Variants in SAMD12 observed in about 807,000 individuals in gnomAD.
The protein encoded by SAMD12 is sterile alpha motif domain containing 12, also known as sterile alpha motif domain-containing protein 12.
SAMD12 carries 9 observed loss-of-function variants against 15.0 expected under a neutral mutation model. The ratio of observed to expected loss-of-function variants is 0.60; its 90% confidence interval spans 0.36 to 1.05. The LOEUF is 1.05. Among genes scored for constraint, SAMD12 ranks in the 50% least tolerant of loss-of-function variants. The pLI is 0.01. For synonymous variants in SAMD12, 86 were observed against 90.1 expected (o/e 0.96, Z 0.25); for missense variants, 230 against 234.2 (o/e 0.98, Z 0.12).
chr8:118,530,987 C>T (rs1472425565), intron 2 of SAMD12, among the ~76,000 whole-genome samples: 1 of 152,136 alleles, frequency 6.6e-6, no homozygotes. Flanking sequence ...GCTACAGGCA[C>T]ATGCCACTAC....
chr8:118,482,221 T>C (rs1824146326), intron 2 of SAMD12, among the ~76,000 whole-genome samples: 2 of 152,204 alleles, frequency 1.3e-5, no homozygotes, highest in Admixed American at 6.5e-5. Flanking sequence ...GTCAGACCCT[T>C]GATATAAGAT....
intron 4 of SAMD12, among the ~76,000 whole-genome samples, chr8:118,322,318 C>T (rs555342793): frequency 6.6e-6 from 1 of 152,338 alleles, no homozygotes; most frequent in East Asian, 1.9e-4. Flanking sequence ...CTGTGTCTGT[C>T]TGGGTCCCCT....
the SAMD12 span, among the ~76,000 whole-genome samples, chr8:118,141,569 T>C: frequency 2.6e-4 from 40 of 152,210 alleles, no homozygotes; most frequent in Non-Finnish European, 5.1e-4. Context: ...TATTTGACTT[T>C]CCATGATGAA....
intron 2 of SAMD12, among the ~76,000 whole-genome samples, chr8:118,560,074 T>G (rs1233853287): frequency 6.6e-6 from 1 of 152,206 alleles, no homozygotes; most frequent in Admixed American, 6.5e-5. Context: ...GCTTTAAGAC[T>G]TCTCATTCGC....
intron 2 of SAMD12, among the ~76,000 whole-genome samples, chr8:118,554,916 TAG>T (rs2131194267): frequency 6.6e-6 from 1 of 152,268 alleles, no homozygotes; most frequent in African/African-American, 2.4e-5. Context: ...TTTTTTAAAT[TAG>T]TCTTTCAATA....
intron 4 of SAMD12, among the ~76,000 whole-genome samples, chr8:118,246,549 C>T (rs183636594): frequency 1.1e-3 from 166 of 152,228 alleles, no homozygotes; most frequent in African/African-American, 3.8e-3. Context: ...GTACTTTAAA[C>T]TTGCATTATC....
At chr8:118,182,617 AG>A in the SAMD12 span, among the ~76,000 whole-genome samples, 1 of 152,212 alleles carries the variant, frequency 6.6e-6, no homozygotes, top group Admixed American at 6.5e-5. Context: ...AATAAATAAA[AG>A]CTCTTGAATA....
At chr8:118,482,418 GT>G (rs1824152833) in intron 2 of SAMD12, among the ~76,000 whole-genome samples, 2 of 152,088 alleles carry the variant, frequency 1.3e-5, no homozygotes, top group African/African-American at 4.8e-5. Flanking sequence ...CTCCAGATCA[GT>G]AGTTTCTACA....
intron 4 of SAMD12, among the ~76,000 whole-genome samples, chr8:118,243,894 C>T (rs1055535787): frequency 3.9e-5 from 6 of 152,112 alleles, no homozygotes; most frequent in African/African-American, 1.4e-4. Context: ...GAAAATGGCA[C>T]ATTGGGACAA....
At chr8:118,238,548 G>C (rs923897224) in intron 4 of SAMD12, among the ~76,000 whole-genome samples, 1 of 152,002 alleles carries the variant, frequency 6.6e-6, no homozygotes, top group Non-Finnish European at 1.5e-5. Flanking sequence ...AATTTCAAAG[G>C]CTATCTCCTT....
the SAMD12 span, among the ~76,000 whole-genome samples, chr8:118,146,506 A>G: frequency 1.3e-5 from 2 of 152,208 alleles, no homozygotes; most frequent in Non-Finnish European, 2.9e-5. Context: ...CCATATTCCA[A>G]TTCTCTGTGT....
intron 4 of SAMD12, among the ~76,000 whole-genome samples, chr8:118,234,310 C>T (rs564371901): frequency 1.3e-5 from 2 of 152,072 alleles, no homozygotes; most frequent in South Asian, 4.2e-4. Context: ...CCTAACTTTG[C>T]TTTATGTTTG....
chr8:118,370,979 G>A (rs1249451533), intron 4 of SAMD12, among the ~76,000 whole-genome samples: 2 of 152,088 alleles, frequency 1.3e-5, no homozygotes, highest in Non-Finnish European at 2.9e-5. Context: ...AGATGGATAG[G>A]AGAATGATTG....
chr8:118,207,390 C>G (rs1256446871), intron 4 of SAMD12, among the ~76,000 whole-genome samples: 3 of 147,818 alleles, frequency 2.0e-5, no homozygotes, highest in African/African-American at 7.4e-5. Flanking sequence ...TTTTTTTTTG[C>G]ACTGGACAGA....
intron 4 of SAMD12, among the ~76,000 whole-genome samples, chr8:118,266,068 G>T (rs775350784): frequency 1.2e-4 from 18 of 152,126 alleles, no homozygotes; most frequent in Non-Finnish European, 1.9e-4. Flanking sequence ...TGGCAGAGGG[G>T]AAAGAGGCAT....
At chr8:118,423,602 C>G (rs1441635202) in intron 3 of SAMD12, among the ~76,000 whole-genome samples, 1 of 152,102 alleles carries the variant, frequency 6.6e-6, no homozygotes, top group African/African-American at 2.4e-5. Flanking sequence ...ATGTCCACCC[C>G]CATGCTTATT....
chr8:118,461,712 A>G (rs1207684250), intron 2 of SAMD12, among the ~76,000 whole-genome samples: 3 of 152,312 alleles, frequency 2.0e-5, no homozygotes, highest in East Asian at 3.9e-4. Context: ...CTTATTTTCA[A>G]TTGATGCATA....
At chr8:118,558,546 T>C (rs1200117179) in intron 2 of SAMD12, among the ~76,000 whole-genome samples, 2 of 151,138 alleles carry the variant, frequency 1.3e-5, no homozygotes, top group African/African-American at 4.9e-5. Context: ...GCTAAGACTT[T>C]TGTTTTTGTT....
intron 1 of SAMD12, among the ~76,000 whole-genome samples, chr8:118,583,794 C>A (rs1827355893): frequency 6.6e-6 from 1 of 152,162 alleles, no homozygotes; most frequent in Non-Finnish European, 1.5e-5. Flanking sequence ...CCCTATGCTC[C>A]CTCATGCACA....
Sources: allele counts gnomAD v4.1 joint callset (sites outside exome capture counted in the v4.1 genomes callset), GRCh38; gene constraint gnomAD v4.1.1; transcripts MANE v1.5; gene names NCBI Gene and HGNC (gene_info 2026-07-23, HGNC 2026-07-21).